PRKACB: variants seen among roughly 807,000 people sequenced by gnomAD.
PRKACB encodes cAMP-dependent protein kinase catalytic subunit beta.
Under a neutral mutation model 51.4 loss-of-function variants are expected in PRKACB, and 16 were observed. The ratio of observed to expected loss-of-function variants is 0.31; its 90% confidence interval spans 0.21 to 0.47. The LOEUF is 0.47. PRKACB is among the 20% of genes least tolerant of loss of function. The probability of loss-of-function intolerance (pLI) is 1.00; values close to 1 mark genes in which losing one functional copy is unlikely to be tolerated. For missense variants in PRKACB, 309 were observed against 464.5 expected, an observed-to-expected ratio of 0.67 and a Z score of 3.08; for synonymous variants, 147 against 154.4, an observed-to-expected ratio of 0.95 and a Z score of 0.35.
At chr1:84,113,009 A>G (rs77980669) in intron 1 of PRKACB, among the ~76,000 whole-genome samples, 3,353 of 152,298 alleles carry the variant, frequency 0.022, 119 homozygotes, top group African/African-American at 0.076. Context: ...AAGTCAACAT[A>G]AAGAGACTAA....
chr1:84,144,760 A>G (rs1175615445), intron 1 of PRKACB, among the ~76,000 whole-genome samples: 2 of 152,078 alleles, frequency 1.3e-5, no homozygotes, highest in Non-Finnish European at 2.9e-5. Context: ...TTTATTTTTG[A>G]CTAAGTTCAA....
At chr1:84,197,852 A>T in intron 7 of PRKACB, 28 bp downstream of exon 7, 1 of 1,500,348 alleles carries the variant, frequency 6.7e-7, no homozygotes. Context: ...ACACATAAGA[A>T]GTAGAAATAT....
At chr1:84,197,491 A>T (rs1193207258) in intron 6 of PRKACB, among the ~76,000 whole-genome samples, 1 of 152,018 alleles carries the variant, frequency 6.6e-6, no homozygotes, top group Non-Finnish European at 1.5e-5. Context: ...ATGACTGAAA[A>T]GAGTTTTGTT....
intron 1 of PRKACB, among the ~76,000 whole-genome samples, chr1:84,105,284 T>C (rs1256314182): frequency 6.6e-6 from 1 of 152,198 alleles, no homozygotes; most frequent in Non-Finnish European, 1.5e-5. Context: ...GGATGTTTTT[T>C]TCTGGACCAT....
rs1661158653 is a variant in PRKACB, at chr1:84,176,090, A to G, written c.188-3087A>G. Among the ~76,000 whole-genome samples, 4 of 151,774 alleles carry G rather than the reference A, an allele frequency of 2.6e-5. No homozygotes were observed. In the South Asian group the frequency reaches 8.3e-4, roughly 31 times the overall value. ...ACACAGCTAGGAAGTATTAGAGCTA[A>G]TATTCTAACTCAGATGTTCCAAGCT... On this transcript the variant is annotated intron_variant, in intron 1 of 9. Transcript: ENST00000370685.
intron 1 of PRKACB, among the ~76,000 whole-genome samples, chr1:84,161,168 T>G (rs1656140336): frequency 6.6e-6 from 1 of 151,922 alleles, no homozygotes; most frequent in African/African-American, 2.4e-5. Flanking sequence ...CATATGCATT[T>G]CTAATTGTCA....
chr1:84,083,158 C>A (rs1362428508), intron 1 of PRKACB, among the ~76,000 whole-genome samples: 1 of 152,222 alleles, frequency 6.6e-6, no homozygotes, highest in Non-Finnish European at 1.5e-5. Context: ...TTACTTAGGT[C>A]TTTACACCTT....
chr1:84,110,393 T>C (rs1413703652), intron 1 of PRKACB, among the ~76,000 whole-genome samples: 1 of 151,788 alleles, frequency 6.6e-6, no homozygotes, highest in Non-Finnish European at 1.5e-5. Flanking sequence ...TAAGTATATA[T>C]ATATACTTGA....
At position 84,175,889 on chromosome 1, in the gene PRKACB, A is replaced by G. The variant is rs947788161; in HGVS notation, c.188-3288A>G. The stretch of plus-strand genomic sequence containing the variant: ...AAAAAATATATAATTGAAAATGTAT[A>G]CTTTTGGGAATAAATTAATTTTTTG... On this transcript the variant is annotated intron_variant, in intron 1 of 9. Transcript: ENST00000370685. The G allele has an allele frequency of 4.5e-6, 5 of 1,112,644 alleles. No individual in the cohort carries two copies. In the African/African-American group the frequency reaches 8.1e-5, roughly 18 times the overall value. 68.9% of individuals were successfully genotyped at this position (1,112,644 alleles called of 1,614,324 possible).
intron 1 of PRKACB, among the ~76,000 whole-genome samples, chr1:84,107,668 G>A (rs763944024): frequency 6.6e-6 from 1 of 152,086 alleles, no homozygotes; most frequent in African/African-American, 2.4e-5. Context: ...CTATTAAAAT[G>A]TGCACAATGG....
intron 1 of PRKACB, chr1:84,164,679 G>A (rs1456230948): frequency 3.9e-5 from 54 of 1,392,954 alleles, no homozygotes; most frequent in South Asian, 5.1e-5. Context: ...ATCCTGGTTC[G>A]AACATTTTCT....
chr1:84,216,635 C>T (rs1406520030), intron 9 of PRKACB, among the ~76,000 whole-genome samples: 1 of 152,138 alleles, frequency 6.6e-6, no homozygotes, highest in African/African-American at 2.4e-5. Context: ...CAATGCAATA[C>T]TGTATAATTA....
At chr1:84,144,138 T>G, upstream of PRKACB, 1 of 771,082 alleles carries the variant, frequency 1.3e-6, no homozygotes, top group Non-Finnish European at 1.9e-6. Context: ...AGGCAGATAT[T>G]GCAAGTTTTT....
intron 1 of PRKACB, among the ~76,000 whole-genome samples, chr1:84,115,966 T>A (rs1295219923): frequency 6.6e-6 from 1 of 151,770 alleles, no homozygotes; most frequent in Admixed American, 6.6e-5. Flanking sequence ...TAGGTTTTCT[T>A]CTAGTATTTT....
intron 5 of PRKACB, among the ~76,000 whole-genome samples, chr1:84,187,261 T>G (rs576406073): frequency 1.3e-5 from 2 of 152,272 alleles, no homozygotes; most frequent in Non-Finnish European, 2.9e-5. Context: ...AAAGAATTTC[T>G]TAAGTCAGGC....
chr1:84,235,517 A>T lies in PRKACB; in HGVS notation c.*212A>T. 1 of 555,380 alleles carries T rather than the reference A, an allele frequency of 1.8e-6. No homozygotes were observed. The highest frequency in any genetic ancestry group is 3.2e-5 in the East Asian group (1 of 31,154). 34.4% of individuals were successfully genotyped at this position (555,380 alleles called of 1,614,324 possible). On this transcript the variant is annotated 3_prime_UTR_variant, in exon 10 of 10. Transcript: ENST00000370685. The stretch of plus-strand genomic sequence containing the variant: ...GCAAGCATTGTCTGTGCCATAACAC[A>T]GTACTAGACCACTTTCTTACTTCTC...
chr1:84,086,172 A>C (rs1346346135), intron 1 of PRKACB: 1 of 1,598,836 alleles, frequency 6.3e-7, no homozygotes, highest in Non-Finnish European at 8.6e-7. Flanking sequence ...GTGGTGGACA[A>C]GTTTGTGGGC....
chr1:84,213,021 T>A (rs1399871238), intron 8 of PRKACB, among the ~76,000 whole-genome samples: 3 of 152,160 alleles, frequency 2.0e-5, no homozygotes, highest in African/African-American at 7.2e-5. Flanking sequence ...ATGGTAGTAC[T>A]TGTAGTGGTA....
In PRKACB at chr1:84,146,187, A is replaced by G. The variant is rs542912520; in HGVS notation, c.187+1639A>G. On this transcript the variant is annotated intron_variant, in intron 1 of 9. Transcript: ENST00000370685. ...AAGTCAAAACAAATAGGATTCTTGT[A>G]CACAAATAAAATTAGGAGCAAACCA... Among the ~76,000 whole-genome samples the G allele has an allele frequency of 2.1e-4, 32 of 151,806 alleles. No homozygotes were observed. The East Asian group carries it at 5.8e-3, about 27-fold the overall frequency.
Sources: gnomAD v4.1 joint callset for allele counts (sites outside exome capture counted in the v4.1 genomes callset) on GRCh38, gnomAD v4.1.1 for gene constraint, MANE v1.5 for transcripts, NCBI Gene and HGNC (gene_info 2026-07-23, HGNC 2026-07-21) for gene names.